NNT: variants seen among roughly 807,000 people sequenced by gnomAD.
NNT encodes NAD(P) transhydrogenase, mitochondrial.
In NNT, 50 loss-of-function variants were observed where a neutral mutation model predicts 104.8. The ratio of observed to expected loss-of-function variants is 0.48; its 90% CI spans 0.38 to 0.60. NNT has a LOEUF of 0.60. Among genes scored for constraint, NNT ranks in the 20% least tolerant of loss-of-function variants. The probability of loss-of-function intolerance (pLI) is 0.00; values close to 1 mark genes in which losing one functional copy is unlikely to be tolerated. For missense variants in NNT, 1,131 were observed against 1,330.7 expected (o/e 0.85, Z 2.33); for synonymous variants, 461 against 490.4 (o/e 0.94, Z 0.79).
At chr5:43,651,422 A>G (rs1420538583) in intron 12 of NNT, among the ~76,000 whole-genome samples, 1 of 152,038 alleles carries the variant, frequency 6.6e-6, no homozygotes, top group African/African-American at 2.4e-5. Context: ...TACTAAAAAT[A>G]CAAAAATTAG....
chr5:43,662,011 G>A (rs954380157), intron 17 of NNT, among the ~76,000 whole-genome samples: 3 of 152,156 alleles, frequency 2.0e-5, no homozygotes, highest in African/African-American at 2.4e-5. Context: ...TAAATGGGAG[G>A]ATTTGAAGGA....
At position 43,608,309 on chromosome 5, in the gene NNT, C is replaced by T. The variant is rs114399864; in HGVS notation, c.-53-834C>T. 4.2e-3 allele frequency among the ~76,000 whole-genome samples: 647 copies of T among 152,310 alleles called. 5 individuals carry two copies. Among genetic ancestry groups the T allele is most frequent in the African/African-American group, 0.015 (625 of 41,570 alleles). On this transcript the variant is annotated intron_variant, in intron 1 of 21. Transcript: ENST00000344920. ...GGGGACAGTGGGAGTGCCTTTCATG[C>T]ATCCCTGGGGATCTACTGAGGAATG... is the stretch of plus-strand genomic sequence containing the variant.
intron 2 of NNT, among the ~76,000 whole-genome samples, chr5:43,610,723 T>G (rs1371182105): frequency 1.3e-5 from 2 of 152,202 alleles, no homozygotes; most frequent in Middle Eastern, 6.3e-3. Flanking sequence ...GCCTCCAACT[T>G]TATCTTCAGA....
In NNT at chr5:43,647,317, A is replaced by C. The variant is rs181576691; in HGVS notation, c.1444+1807A>C. Among the ~76,000 whole-genome samples, 254 of 152,342 alleles carry C rather than the reference A, an allele frequency of 1.7e-3. 2 individuals are homozygous for C. The highest frequency in any genetic ancestry group is 2.9e-4 in the Non-Finnish European group (20 of 68,028). On this transcript the variant is annotated intron_variant, in intron 10 of 21. Coordinates refer to ENST00000344920, the MANE Select transcript of NNT (RefSeq NM_182977.3). ...TGTGTTGTACATGGAACATATTATG[A>C]GTAGGATTGTAAATTTCCATTTCTC...
rs746709595 is a variant in NNT, at chr5:43,645,414, G to A, written c.1348G>A (p.Val450Ile). 6.4e-7 allele frequency: 1 copy of A among 1,568,552 alleles called. No individual in the cohort carries two copies. The highest frequency in any genetic ancestry group is 1.2e-5 in the South Asian group (1 of 84,376). Reference protein sequence around the residue: ...TPKNIPQGAPVKQKTVAELEA... With the variant: ...TPKNIPQGAPIKQKTVAELEA... ...GAAAAATATTCCTCAAGGTGCCCCA[G>A]TAAAACAGAAGACAGTGGCTGAGCT... The change falls in exon 10 of 22, where the codon GTA becomes ATA. Residue 450 changes from valine (V) to isoleucine (I), a missense_variant. Transcript: ENST00000344920.
At chr5:43,683,997 G>C (rs1268949241) in intron 19 of NNT, among the ~76,000 whole-genome samples, 1 of 152,152 alleles carries the variant, frequency 6.6e-6, no homozygotes, top group Non-Finnish European at 1.5e-5. Context: ...TGGTTTTATA[G>C]AGGACTGCGT....
chr5:43,668,224 G>A (rs1410056994), intron 17 of NNT, among the ~76,000 whole-genome samples: 1 of 142,482 alleles, frequency 7.0e-6, no homozygotes, highest in Non-Finnish European at 1.5e-5. Flanking sequence ...TCTGTAGGTT[G>A]CCTATTCACT....
chr5:43,637,229 C>G (rs911888038), intron 7 of NNT, among the ~76,000 whole-genome samples: 1 of 152,070 alleles, frequency 6.6e-6, no homozygotes, highest in African/African-American at 2.4e-5. Flanking sequence ...ATGGAGCCAG[C>G]TAAATCAGAG....
chr5:43,659,259 C>T lies in NNT; in HGVS notation c.2543C>T (p.Ala848Val), dbSNP rs1162457518. 1 of 1,613,896 alleles carries T rather than the reference C, an allele frequency of 6.2e-7. No individual in the cohort carries two copies. Among genetic ancestry groups the T allele is most frequent in the African/African-American group, 1.3e-5 (1 of 74,886 alleles). Residue 848 changes from alanine (A) to valine (V), a missense_variant, in exon 17 of 22, where the codon GCA becomes GTA. Transcript: ENST00000344920. ...AGCTACTCAGGCTGGGCCCTGTGTG[C>T]AGAGGGCTTCCTGCTCAACAACAAT... ...LNSYSGWALC[A>V]EGFLLNNNLL...
rs550593982 is a variant in NNT, at chr5:43,702,523, A to G, written c.2996-98A>G. 11 of 711,548 alleles carry G rather than the reference A, an allele frequency of 1.5e-5. No homozygotes were observed. The South Asian group carries it at 2.4e-4, about 15-fold the overall frequency. The allele number at this position is 711,548 out of a possible 1,614,324, so 44.1% of individuals were successfully genotyped here. On this transcript the variant is annotated intron_variant, in intron 20 of 21. Coordinates refer to ENST00000344920, the MANE Select transcript of NNT (RefSeq NM_182977.3). ...CAAGTGCGAATCCTATATTTTTGTT[A>G]TTGTTATTATAAAGTAAAGATCACT...
chr5:43,679,168 A>G (rs945272737), intron 19 of NNT, among the ~76,000 whole-genome samples: 3 of 152,214 alleles, frequency 2.0e-5, no homozygotes, highest in Non-Finnish European at 4.4e-5. Context: ...TAAAGCCATC[A>G]TTTTGCTGCT....
At chr5:43,639,202 C>A (rs904785618) in intron 7 of NNT, among the ~76,000 whole-genome samples, 1 of 152,124 alleles carries the variant, frequency 6.6e-6, no homozygotes, top group Non-Finnish European at 1.5e-5. Flanking sequence ...GTTTTTCTAG[C>A]AGCTCCTTAT....
intron 19 of NNT, among the ~76,000 whole-genome samples, chr5:43,679,966 T>C (rs1281528349): frequency 6.6e-6 from 1 of 151,896 alleles, no homozygotes; most frequent in Non-Finnish European, 1.5e-5. Flanking sequence ...TATAGTCATC[T>C]TTCTTTCATA....
chr5:43,644,507 A>C (rs1015890564), intron 8 of NNT, 104 bp from the exon 9 acceptor site: 1 of 1,163,866 alleles, frequency 8.6e-7, no homozygotes, highest in African/African-American at 1.6e-5. Flanking sequence ...ATTCATAAAG[A>C]TATATAATTA....
At chr5:43,663,316 T>G (rs1420286615) in intron 17 of NNT, among the ~76,000 whole-genome samples, 1 of 152,180 alleles carries the variant, frequency 6.6e-6, no homozygotes, top group Non-Finnish European at 1.5e-5. Context: ...TTTGTTGGCT[T>G]TTGATATTAC....
intron 14 of NNT, among the ~76,000 whole-genome samples, chr5:43,653,760 G>A (rs1580050510): frequency 6.6e-6 from 1 of 151,858 alleles, no homozygotes; most frequent in African/African-American, 2.4e-5. Flanking sequence ...TTTGAAACTG[G>A]CCTGGCCAAC....
intron 14 of NNT, among the ~76,000 whole-genome samples, chr5:43,654,566 G>A (rs184142611): frequency 6.6e-6 from 1 of 152,338 alleles, no homozygotes; most frequent in East Asian, 1.9e-4. Flanking sequence ...CAATGTTCCT[G>A]TTGGAAGTAT....
At chr5:43,633,114 C>T (rs1323676270) in intron 7 of NNT, among the ~76,000 whole-genome samples, 1 of 152,186 alleles carries the variant, frequency 6.6e-6, no homozygotes, top group Non-Finnish European at 1.5e-5. Flanking sequence ...CATAGCTATT[C>T]TAAGGCCTGG....
intron 14 of NNT, among the ~76,000 whole-genome samples, chr5:43,654,703 T>A (rs1739947917): frequency 6.6e-6 from 1 of 152,260 alleles, no homozygotes; most frequent in African/African-American, 2.4e-5. Context: ...TATTTCTTAT[T>A]ATTTGAAAAT....
Sources: gnomAD v4.1 joint callset for allele counts (sites outside exome capture counted in the v4.1 genomes callset) on GRCh38, gnomAD v4.1.1 for gene constraint, MANE v1.5 for transcripts, NCBI Gene and HGNC (gene_info 2026-07-23, HGNC 2026-07-21) for gene names.